Variants in MEMO1 observed in about 807,000 individuals in gnomAD.
The protein encoded by MEMO1 is protein MEMO1.
MEMO1 carries 6 observed loss-of-function variants against 45.2 expected under a neutral mutation model. That is an observed-to-expected ratio of 0.13 (90% CI 0.07 to 0.26). The LOEUF (loss-of-function observed/expected upper bound fraction) is 0.26. Ranked by LOEUF, MEMO1 falls within the 10% of genes least tolerant of loss-of-function variation. The pLI is 1.00. For synonymous variants in MEMO1, 78 were observed against 124.3 expected (o/e 0.63, Z 2.48); for missense variants, 184 against 370.5 (o/e 0.50, Z 4.13).
At chr2:31,923,516 C>A in intron 4 of MEMO1, 1 of 1,098,078 alleles carries the variant, frequency 9.1e-7, no homozygotes, top group East Asian at 3.1e-5. Flanking sequence ...CTCTGGTCAC[C>A]TATCTTAATA....
intron 7 of MEMO1, among the ~76,000 whole-genome samples, chr2:31,883,777 C>T (rs1675756259): frequency 1.3e-5 from 2 of 151,758 alleles, no homozygotes; most frequent in South Asian, 2.1e-4. Context: ...TTTTATCAGT[C>T]TATATTGGAA....
intron 3 of MEMO1, among the ~76,000 whole-genome samples, chr2:31,932,865 G>A (rs534942483): frequency 2.0e-4 from 30 of 152,054 alleles, no homozygotes; most frequent in Admixed American, 1.5e-3. Flanking sequence ...CACTTCCTTC[G>A]AAGACAAAGA....
intron 2 of MEMO1, among the ~76,000 whole-genome samples, chr2:31,977,381 TA>T (rs1670126562): frequency 6.6e-6 from 1 of 152,228 alleles, no homozygotes; most frequent in Non-Finnish European, 1.5e-5. Context: ...CTGTATAGTT[TA>T]AGCAACATGC....
At chr2:31,884,960 A>G (rs1340152832) in intron 7 of MEMO1, among the ~76,000 whole-genome samples, 1 of 152,172 alleles carries the variant, frequency 6.6e-6, no homozygotes, top group African/African-American at 2.4e-5. Flanking sequence ...TAAAACAATG[A>G]TAATTTATTG....
At chr2:31,981,036 G>C (rs1406295366) in intron 2 of MEMO1, among the ~76,000 whole-genome samples, 1 of 152,124 alleles carries the variant, frequency 6.6e-6, no homozygotes, top group Admixed American at 6.6e-5. Flanking sequence ...ATAGTCAATC[G>C]TACACCAATT....
At chr2:31,911,604 G>A (rs1448298687) in intron 6 of MEMO1, among the ~76,000 whole-genome samples, 1 of 152,142 alleles carries the variant, frequency 6.6e-6, no homozygotes, top group Admixed American at 6.5e-5. Context: ...GTTAAGAACA[G>A]GAAAAACCGC....
At chr2:31,936,960 A>G (rs1664987063) in intron 3 of MEMO1, among the ~76,000 whole-genome samples, 1 of 152,220 alleles carries the variant, frequency 6.6e-6, no homozygotes, top group Non-Finnish European at 1.5e-5. Context: ...AACAATAGGA[A>G]AAGTCACAAG....
chr2:31,940,505 A>T (rs1005460), intron 3 of MEMO1, among the ~76,000 whole-genome samples: 22,792 of 152,182 alleles, frequency 0.15, 1,955 homozygotes, highest in African/African-American at 0.22. Flanking sequence ...AGGACAAAAC[A>T]TAAGAATCAT....
intron 7 of MEMO1, among the ~76,000 whole-genome samples, chr2:31,885,787 C>T (rs548013943): frequency 6.6e-6 from 1 of 152,258 alleles, no homozygotes; most frequent in African/African-American, 2.4e-5. Context: ...TAATCTACTG[C>T]TACTCCCAGG....
At chr2:31,922,655 C>T (rs1401590456) in intron 4 of MEMO1, among the ~76,000 whole-genome samples, 1 of 151,986 alleles carries the variant, frequency 6.6e-6, no homozygotes, top group African/African-American at 2.4e-5. Context: ...CAGTAGGTCT[C>T]GGTGTCTGTT....
intron 8 of MEMO1, among the ~76,000 whole-genome samples, chr2:31,882,717 C>T (rs17818002): frequency 0.12 from 17,689 of 152,132 alleles, 1,075 homozygotes; most frequent in Middle Eastern, 0.19. Context: ...GGAATTCCTG[C>T]ACACTGTCAT....
chr2:31,892,279 A>G, intron 6 of MEMO1, 145 bp from the exon 7 acceptor site: 2 of 710,878 alleles, frequency 2.8e-6, no homozygotes, highest in African/African-American at 3.6e-5. Context: ...CTTAAAATCC[A>G]TAAATTAAAT....
chr2:32,002,310 T>C (rs1244014684), intron 2 of MEMO1, among the ~76,000 whole-genome samples: 3 of 148,202 alleles, frequency 2.0e-5, no homozygotes, highest in Admixed American at 6.8e-5. Context: ...TATACATATA[T>C]ACATACACAT....
chr2:31,928,932 T>C (rs1033813146), intron 4 of MEMO1, among the ~76,000 whole-genome samples: 17 of 152,158 alleles, frequency 1.1e-4, no homozygotes, highest in Admixed American at 3.9e-4. Flanking sequence ...TTTTGGGACT[T>C]ATTAGGATAG....
At chr2:31,874,106 A>G (rs1018287213) in intron 8 of MEMO1, among the ~76,000 whole-genome samples, 1 of 152,180 alleles carries the variant, frequency 6.6e-6, no homozygotes, top group Non-Finnish European at 1.5e-5. Flanking sequence ...GATGAATACA[A>G]TGACATTTTC....
chr2:31,889,318 T>A (rs1485846550), intron 7 of MEMO1, among the ~76,000 whole-genome samples: 1 of 152,098 alleles, frequency 6.6e-6, no homozygotes, highest in Admixed American at 6.6e-5. Flanking sequence ...ATGAACCATT[T>A]AAGACCTCTG....
At chr2:31,927,825 T>TTGG (rs1159382174) in intron 4 of MEMO1, among the ~76,000 whole-genome samples, 1 of 152,184 alleles carries the variant, frequency 6.6e-6, no homozygotes. Flanking sequence ...TGGTCTACAT[T>TTGG]TGGTGTCCTT....
At chr2:31,881,009 G>A (rs1313987051) in intron 8 of MEMO1, among the ~76,000 whole-genome samples, 1 of 151,600 alleles carries the variant, frequency 6.6e-6, no homozygotes, top group African/African-American at 2.4e-5. Context: ...GGGTGACAGA[G>A]GGAGACACTG....
chr2:31,973,562 TTGAAA>T (rs764205917), intron 2 of MEMO1, among the ~76,000 whole-genome samples: 5 of 152,210 alleles, frequency 3.3e-5, no homozygotes, highest in Admixed American at 6.6e-5. Flanking sequence ...GAACAGTCTT[TTGAAA>T]TGTCCGTCAG....
Sources: allele counts gnomAD v4.1 joint callset (sites outside exome capture counted in the v4.1 genomes callset), GRCh38; gene constraint gnomAD v4.1.1; transcripts MANE v1.5; gene names NCBI Gene and HGNC (gene_info 2026-07-23, HGNC 2026-07-21).